The following XYLT1 variants were observed in gnomAD, a reference collection of about 807,000 sequenced individuals.
XYLT1 encodes xylosyltransferase 1, also known as beta-D-xylosyltransferase 1.
A neutral mutation model predicts 91.3 loss-of-function variants in XYLT1; 36 were observed. The ratio of observed to expected loss-of-function variants is 0.39; its 90% CI spans 0.30 to 0.52. XYLT1 has a LOEUF of 0.52. Ranked by LOEUF, XYLT1 falls within the 20% of genes least tolerant of loss-of-function variation. The pLI is 0.68. For missense variants in XYLT1, 1,242 were observed against 1,284.5 expected (o/e 0.97, Z 0.51); for synonymous variants, 588 against 532.0 (o/e 1.11, Z -1.45).
Position 17,321,342 on chromosome 16 carries a change from C to CTTTTTTTTT in XYLT1, c.402+36661_402+36669dup, listed in dbSNP as rs10606202. Among the ~76,000 whole-genome samples the CTTTTTTTTT allele has an allele frequency of 8.3e-4, 36 of 43,622 alleles. 4 individuals carry two copies. Among genetic ancestry groups the CTTTTTTTTT allele is most frequent in the African/African-American group, 1.9e-3 (23 of 12,122 alleles). 28.6% of individuals were successfully genotyped at this position (43,622 alleles called of 152,430 possible). On this transcript the variant is annotated intron_variant, in intron 2 of 11. Coordinates refer to ENST00000261381, the MANE Select transcript of XYLT1 (RefSeq NM_022166.4). Reference sequence around the variant, plus strand: ...GACAGTTCCCAAAGTACTAACTAGCCTTTTTTTTTTTTTTTTTTTTTTTTT... The same window carrying CTTTTTTTTT: ...GACAGTTCCCAAAGTACTAACTAGCCTTTTTTTTTTTTTTTTTTTTTTTTTTTTTTTTTT...
At chr16:17,160,963 T>C (rs1453604046) in intron 5 of XYLT1, among the ~76,000 whole-genome samples, 2 of 152,230 alleles carry the variant, frequency 1.3e-5, no homozygotes, top group Non-Finnish European at 2.9e-5. Context: ...TCATTATTGT[T>C]GTCCTGATGA....
intron 1 of XYLT1, among the ~76,000 whole-genome samples, chr16:17,382,504 G>A (rs1439861258): frequency 1.3e-5 from 2 of 151,916 alleles, no homozygotes; most frequent in African/African-American, 4.8e-5. Flanking sequence ...CACACAGAGT[G>A]GATTGCACAG....
intron 2 of XYLT1, among the ~76,000 whole-genome samples, chr16:17,304,255 AC>A (rs2034440493): frequency 6.6e-6 from 1 of 152,146 alleles, no homozygotes; most frequent in East Asian, 1.9e-4. Flanking sequence ...TCCCAAAATG[AC>A]CTTTGATCAA....
chr16:17,448,693 GGAGGAGGAAGAGGGGGGAGGAGGAA>G, intron 1 of XYLT1, among the ~76,000 whole-genome samples: 1 of 34,776 alleles, frequency 2.9e-5, no homozygotes, highest in Non-Finnish European at 5.4e-5. Flanking sequence ...GGTGGAGGGG[GGAGGAGGAAGAGGGGGGAGGAGGAA>G]GAGGGGGAAG....
intron 2 of XYLT1, among the ~76,000 whole-genome samples, chr16:17,336,461 G>A (rs8052768): frequency 0.49 from 74,115 of 151,928 alleles, 18,488 homozygotes; most frequent in Admixed American, 0.59. Context: ...GCAGCAGGCA[G>A]GCAAAGGCCA....
chr16:17,234,695 A>AAAATAAATAAATAAATAAAT lies in XYLT1; in HGVS notation c.913+24273_913+24292dup, dbSNP rs4071716. Among the ~76,000 whole-genome samples the AAAATAAATAAATAAATAAAT allele has an allele frequency of 1.7e-3, 251 of 147,020 alleles. 2 individuals carry two copies. The highest frequency in any genetic ancestry group is 4.2e-3 in the African/African-American group (168 of 39,662). ...AATCCAGCAAACTGAGCCATGTGAT[A>AAAATAAATAAATAAATAAAT]AAATAAATAAATAAATAAATAAATA... On this transcript the variant is annotated intron_variant, in intron 3 of 11. Transcript: ENST00000261381.
At chr16:17,289,284 GCTA>G (rs1249978925) in intron 2 of XYLT1, among the ~76,000 whole-genome samples, 1 of 152,184 alleles carries the variant, frequency 6.6e-6, no homozygotes, top group Non-Finnish European at 1.5e-5. Flanking sequence ...ATGGCAGTTT[GCTA>G]CCTCCTGCTC....
chr16:17,276,390 G>A (rs145016867), intron 2 of XYLT1, among the ~76,000 whole-genome samples: 165 of 152,300 alleles, frequency 1.1e-3, no homozygotes, highest in African/African-American at 3.7e-3. Flanking sequence ...CGATTGGAAG[G>A]CCACAGGAAT....
At chr16:17,145,390 G>A (rs1597151053) in intron 6 of XYLT1, among the ~76,000 whole-genome samples, 1 of 152,198 alleles carries the variant, frequency 6.6e-6, no homozygotes, top group African/African-American at 2.4e-5. Flanking sequence ...AATCAATTCA[G>A]GGATGGGCCA....
chr16:17,285,548 A>C (rs1345432758), intron 2 of XYLT1, among the ~76,000 whole-genome samples: 2 of 152,224 alleles, frequency 1.3e-5, no homozygotes, highest in East Asian at 3.9e-4. Context: ...GCATGTGCCC[A>C]GACCAAGAAT....
At chr16:17,122,576 G>GGC (rs1398594868) in intron 10 of XYLT1, among the ~76,000 whole-genome samples, 1 of 152,176 alleles carries the variant, frequency 6.6e-6, no homozygotes, top group African/African-American at 2.4e-5. Flanking sequence ...TTGCCTTGCA[G>GGC]AAACTTTTAA....
intron 1 of XYLT1, among the ~76,000 whole-genome samples, chr16:17,432,478 C>A (rs1474953119): frequency 6.6e-6 from 1 of 152,094 alleles, no homozygotes; most frequent in East Asian, 1.9e-4. Context: ...TATAAAATAT[C>A]CAGAATAGGC....
chr16:17,254,006 C>T (rs192826282), intron 3 of XYLT1, among the ~76,000 whole-genome samples: 27 of 152,318 alleles, frequency 1.8e-4, no homozygotes, highest in African/African-American at 4.8e-4. Flanking sequence ...CATCTGCTGG[C>T]CATGTGTTTC....
At chr16:17,438,546 C>T (rs1028558494) in intron 1 of XYLT1, among the ~76,000 whole-genome samples, 2 of 152,072 alleles carry the variant, frequency 1.3e-5, no homozygotes, top group African/African-American at 2.4e-5. Context: ...ATCAGACTAC[C>T]AGCGTTCACA....
At position 17,121,971 on chromosome 16, in the gene XYLT1, T is replaced by C. The variant is rs114439599; in HGVS notation, c.2224-3992A>G. Reference sequence around the variant, plus strand: ...AGTAGTATTCCATGGGGTATATATATATATATGCGCACACACACACACACA... The same window carrying C: ...AGTAGTATTCCATGGGGTATATATACATATATGCGCACACACACACACACA... On this transcript the variant is annotated intron_variant, in intron 10 of 11. Transcript: ENST00000261381. 5.3e-3 allele frequency among the ~76,000 whole-genome samples: 799 copies of C among 152,120 alleles called. 8 individuals carry two copies. The highest frequency in any genetic ancestry group is 0.018 in the African/African-American group (745 of 41,450).
intron 10 of XYLT1, 98 bp downstream of exon 10, chr16:17,127,568 T>A: frequency 7.1e-7 from 1 of 1,417,942 alleles, no homozygotes; most frequent in East Asian, 2.3e-5. Context: ...CAAGTCCTCT[T>A]CTCCTCCATC....
In XYLT1 at chr16:17,232,405, C is replaced by CTGTGTG. The variant is rs1199361319; in HGVS notation, c.913+26577_913+26582dup. Among the ~76,000 whole-genome samples, 90 of 119,164 alleles carry CTGTGTG rather than the reference C, an allele frequency of 7.6e-4. 1 individual carries two copies. Among genetic ancestry groups the CTGTGTG allele is most frequent in the African/African-American group, 1.4e-3 (44 of 30,564 alleles). 78.2% of individuals were successfully genotyped at this position (119,164 alleles called of 152,430 possible). A position where few individuals can be genotyped will look rare whatever the true frequency, so the allele number is the denominator to read the frequency against. Reference sequence around the variant, plus strand: ...CATGACTGTGTCTGTGTGTCTGTGTCTGTGTGTGTGTGTGTGTGTGTGTGT... The same window carrying CTGTGTG: ...CATGACTGTGTCTGTGTGTCTGTGTCTGTGTGTGTGTGTGTGTGTGTGTGTGTGTGT... On this transcript the variant is annotated intron_variant, in intron 3 of 11. Coordinates refer to ENST00000261381, the MANE Select transcript of XYLT1 (RefSeq NM_022166.4).
intron 1 of XYLT1, among the ~76,000 whole-genome samples, chr16:17,464,405 T>C (rs2036860401): frequency 6.6e-6 from 1 of 150,986 alleles, no homozygotes; most frequent in Admixed American, 6.6e-5. Flanking sequence ...GGCAGGAGAA[T>C]TGCTTGAACC....
chr16:17,343,493 C>A (rs555677379), intron 2 of XYLT1, among the ~76,000 whole-genome samples: 1 of 152,158 alleles, frequency 6.6e-6, no homozygotes, highest in South Asian at 2.1e-4. Flanking sequence ...TAATTTGAGA[C>A]AGGATCTCGC....
Sources: gnomAD v4.1 joint callset for allele counts (sites outside exome capture counted in the v4.1 genomes callset) on GRCh38, gnomAD v4.1.1 for gene constraint, MANE v1.5 for transcripts, NCBI Gene and HGNC (gene_info 2026-07-23, HGNC 2026-07-21) for gene names.